The following WDR47 variants were observed in gnomAD, a reference collection of about 807,000 sequenced individuals.
WDR47 encodes WD repeat-containing protein 47.
Under a neutral mutation model 97.2 loss-of-function variants are expected in WDR47, and 32 were observed. The observed-to-expected ratio is 0.33, with a 90% CI of 0.25 to 0.44. The LOEUF (loss-of-function observed/expected upper bound fraction) is 0.44, where lower values mean the gene tolerates loss of function less well. WDR47 is among the 20% of genes least tolerant of loss of function. The pLI is 1.00. For missense variants in WDR47, 782 were observed against 1,102.3 expected, an observed-to-expected ratio of 0.71 and a Z score of 4.11; for synonymous variants, 375 against 373.5, an observed-to-expected ratio of 1.00 and a Z score of -0.05.
chr1:108,997,564 G>C (rs1158808249), intron 7 of WDR47, among the ~76,000 whole-genome samples: 4 of 151,894 alleles, frequency 2.6e-5, no homozygotes, highest in Non-Finnish European at 5.9e-5. Context: ...AGACCATCCT[G>C]GCTAACACGG....
At chr1:108,974,800 C>G in intron 13 of WDR47, 46 bp from the exon 14 acceptor site, 1 of 1,428,576 alleles carries the variant, frequency 7.0e-7, no homozygotes, top group South Asian at 1.2e-5. Context: ...ATCAATATAC[C>G]CAAATGGCAA....
chr1:109,012,340 G>A (rs1308136664), intron 4 of WDR47, among the ~76,000 whole-genome samples: 1 of 151,922 alleles, frequency 6.6e-6, no homozygotes, highest in Non-Finnish European at 1.5e-5. Context: ...CAGCACTTTG[G>A]TAGGCCAAGG....
intron 1 of WDR47, among the ~76,000 whole-genome samples, chr1:109,040,035 C>CAAAAAAA (rs71281820): frequency 3.9e-4 from 20 of 51,144 alleles, no homozygotes; most frequent in African/African-American, 1.5e-3. Context: ...GACTCCGTCT[C>CAAAAAAA]AAAAAAAAAA....
intron 2 of WDR47, 43 bp from the exon 3 acceptor site, chr1:109,017,644 G>C: frequency 1.3e-6 from 2 of 1,501,280 alleles, no homozygotes; most frequent in Non-Finnish European, 1.8e-6. Context: ...ACCAAATTCA[G>C]GTTATACTAA....
chr1:109,006,561 T>C (rs1260529562), intron 5 of WDR47, among the ~76,000 whole-genome samples: 1 of 152,216 alleles, frequency 6.6e-6, no homozygotes, highest in Non-Finnish European at 1.5e-5. Flanking sequence ...TTTTGCAACG[T>C]ATACAGAACT....
At chr1:108,971,613 G>A in intron 14 of WDR47, 41 bp from the exon 15 acceptor site, 1 of 1,610,194 alleles carries the variant, frequency 6.2e-7, no homozygotes, top group Non-Finnish European at 8.5e-7. Flanking sequence ...TGCAAAATAA[G>A]TATATGTATA....
chr1:109,022,036 C>T (rs944316788), intron 2 of WDR47, among the ~76,000 whole-genome samples: 1 of 151,802 alleles, frequency 6.6e-6, no homozygotes, highest in Admixed American at 6.6e-5. Context: ...TTAGTAGAGA[C>T]GGGGTTTCAC....
chr1:108,993,295 C>T (rs1659504607), intron 8 of WDR47, among the ~76,000 whole-genome samples: 1 of 150,668 alleles, frequency 6.6e-6, no homozygotes, highest in East Asian at 1.9e-4. Flanking sequence ...CACTGCACTC[C>T]AGCCTGGGAG....
chr1:109,023,234 A>G (rs1027800471), intron 2 of WDR47, 121 bp downstream of exon 2: 1 of 941,582 alleles, frequency 1.1e-6, no homozygotes, highest in Non-Finnish European at 1.4e-6. Flanking sequence ...TATTTTTTAA[A>G]ATTATACTTA....
chr1:109,004,665 T>A lies in WDR47; in HGVS notation c.1181A>T (p.Gln394Leu), dbSNP rs777358896. Residue 394 changes from glutamine (Q) to leucine (L), a missense_variant, in exon 6 of 15, where the codon CAG becomes CTG. By Grantham distance (113) the Gln-to-Leu change is moderately radical. Around this residue, in one of 3 missense-constraint regions of WDR47, gnomAD observed 428 missense variants for 584.3 expected, o/e 0.73. Coordinates refer to ENST00000369962, the MANE Select transcript of WDR47 (RefSeq NM_001142551.2). ...AGGCTCTTTTTCTGAAACTGAACTC[T>A]GGCCCAAGATTTCACTGCCGATAGG... The part of the protein sequence containing the change: ...QRPIGSEILG[Q>L]SSVSEKEPAN... 6.2e-7 allele frequency: 1 copy of A among 1,613,778 alleles called. No homozygotes were observed. The highest frequency in any genetic ancestry group is 8.5e-7 in the Non-Finnish European group (1 of 1,179,816).
Position 108,971,482 on chromosome 1 carries a change from A to T in WDR47, c.2708T>A (p.Phe903Tyr). The T allele has an allele frequency of 6.2e-7, 1 of 1,614,198 alleles. No individual in the cohort carries two copies. The highest frequency in any genetic ancestry group is 8.5e-7 in the Non-Finnish European group (1 of 1,180,032). The stretch of plus-strand genomic sequence containing the variant: ...AGTTCTATCTGCAGAGGATGACAGG[A>T]AGGAAAGATCCTGGGTGTGCCATCT... ...QCRWHTQDLS[F>Y]LSSSADRTVT... Residue 903 changes from phenylalanine (F) to tyrosine (Y), a missense_variant, in exon 15 of 15, where the codon TTC becomes TAC. Coordinates refer to ENST00000369962, the MANE Select transcript of WDR47 (RefSeq NM_001142551.2).
chr1:108,981,375 G>A (rs1252402497), intron 13 of WDR47, among the ~76,000 whole-genome samples: 1 of 152,114 alleles, frequency 6.6e-6, no homozygotes, highest in East Asian at 1.9e-4. Context: ...TAGTGAAAGA[G>A]AGACCAAGAA....
At chr1:108,981,991 G>A in intron 12 of WDR47, 127 bp from the exon 13 acceptor site, 1 of 1,053,318 alleles carries the variant, frequency 9.5e-7, no homozygotes, top group Non-Finnish European at 1.3e-6. Flanking sequence ...AGGAGGCTGA[G>A]GCAGGAGGAC....
At position 108,988,764 on chromosome 1, in the gene WDR47, CT is replaced by C. The variant is rs879655204; in HGVS notation, c.1768-2085del. Among the ~76,000 whole-genome samples the C allele has an allele frequency of 3.2e-4, 47 of 147,654 alleles. 1 individual carries two copies. The highest frequency in any genetic ancestry group is 2.4e-3 in the South Asian group (11 of 4,676). ...GAAACATTTGAATGTTTCATTTCTA[CT>C]TTTTTTTTTTGAGATGGAGTATCGC... On this transcript the variant is annotated intron_variant, in intron 9 of 14. Coordinates refer to ENST00000369962, the MANE Select transcript of WDR47 (RefSeq NM_001142551.2).
At chr1:109,019,977 G>A (rs1471563677) in intron 2 of WDR47, among the ~76,000 whole-genome samples, 1 of 152,092 alleles carries the variant, frequency 6.6e-6, no homozygotes, top group East Asian at 1.9e-4. Context: ...GGGCACAGTG[G>A]CTCATGCCTG....
At chr1:109,018,771 G>A (rs1274793596) in intron 2 of WDR47, among the ~76,000 whole-genome samples, 1 of 151,990 alleles carries the variant, frequency 6.6e-6, no homozygotes, top group Non-Finnish European at 1.5e-5. Context: ...CTGAGATTGT[G>A]CCACTGCACT....
In WDR47 at chr1:108,981,649, T is replaced by G. The variant is rs117418268; in HGVS notation, c.2398+84A>C. The G allele has an allele frequency of 5.5e-4, 750 of 1,354,302 alleles. 14 individuals are homozygous for G. In the East Asian group the frequency reaches 0.016, roughly 29 times the overall value. The allele number at this position is 1,354,302 out of a possible 1,614,324, so 83.9% of individuals were successfully genotyped here. A position where few individuals can be genotyped will look rare whatever the true frequency, so the allele number is the denominator to read the frequency against. Reference sequence around the variant, plus strand: ...GTATTTATTTCACAATTTTTTCTATTTTTTATATTGCAGGGGAGAAGAAGT... The same window carrying G: ...GTATTTATTTCACAATTTTTTCTATGTTTTATATTGCAGGGGAGAAGAAGT... On this transcript the variant is annotated intron_variant, in intron 13 of 14. Transcript: ENST00000369962.
intron 14 of WDR47, among the ~76,000 whole-genome samples, chr1:108,973,684 C>A (rs1657652759): frequency 6.6e-6 from 1 of 152,076 alleles, no homozygotes; most frequent in African/African-American, 2.4e-5. Flanking sequence ...GAATTCAAAA[C>A]CAGCCTGGGC....
intron 4 of WDR47, among the ~76,000 whole-genome samples, chr1:109,012,010 A>C (rs1661064754): frequency 6.6e-6 from 1 of 152,152 alleles, no homozygotes; most frequent in South Asian, 2.1e-4. Flanking sequence ...GGGGTTATTC[A>C]TACACACAAA....
Sources: gnomAD v4.1 joint callset for allele counts (sites outside exome capture counted in the v4.1 genomes callset) on GRCh38, gnomAD v4.1.1 for gene constraint, gnomAD v4.1.1 regional missense constraint, MANE v1.5 for transcripts, NCBI Gene and HGNC (gene_info 2026-07-23, HGNC 2026-07-21) for gene names.